LRBA: variants seen among roughly 807,000 people sequenced by gnomAD.
The protein encoded by LRBA is lipopolysaccharide-responsive and beige-like anchor protein.
A neutral mutation model predicts 330.0 loss-of-function variants in LRBA; 176 were observed. That is an observed-to-expected ratio of 0.53 (90% confidence interval 0.47 to 0.60). The LOEUF is 0.60. Among genes scored for constraint, LRBA ranks in the 20% least tolerant of loss-of-function variants. LRBA has a pLI of 0.00. For missense variants in LRBA, 3,259 were observed against 3,444.8 expected, an observed-to-expected ratio of 0.95 and a Z score of 1.35; for synonymous variants, 1,230 against 1,193.0, an observed-to-expected ratio of 1.03 and a Z score of -0.64.
intron 36 of LRBA, among the ~76,000 whole-genome samples, chr4:150,705,175 C>A (rs761688141): frequency 6.6e-6 from 1 of 152,048 alleles, no homozygotes; most frequent in South Asian, 2.1e-4. Flanking sequence ...TCTTAAGAGC[C>A]GGTAACCGTC....
chr4:150,710,030 T>C (rs1786022454), intron 36 of LRBA, among the ~76,000 whole-genome samples: 2 of 152,074 alleles, frequency 1.3e-5, no homozygotes, highest in South Asian at 2.1e-4. Flanking sequence ...GAACAACATA[T>C]ACTAAATTTC....
rs1785743310 is a variant in LRBA, at chr4:150,707,477, A to T, written c.5755-23760T>A. ...AGAAAAACATCAAGAAAGTCAAGCA[A>T]AAAAGGAGTTTAAAAATGGAAGGGT... On this transcript the variant is annotated intron_variant, in intron 36 of 56. Coordinates refer to ENST00000651943, the MANE Select transcript of LRBA (RefSeq NM_001364905.1). Among the ~76,000 whole-genome samples, 5 of 151,850 alleles carry T rather than the reference A, an allele frequency of 3.3e-5. No individual in the cohort carries two copies. In the South Asian group the frequency reaches 1.0e-3, roughly 31 times the overall value.
At chr4:150,543,113 A>G (rs1177543045) in intron 40 of LRBA, among the ~76,000 whole-genome samples, 3 of 152,136 alleles carry the variant, frequency 2.0e-5, no homozygotes, top group Non-Finnish European at 1.5e-5. Context: ...TCTACATGTA[A>G]TTTCATTCAA....
At chr4:150,835,837 T>C (rs1439534876) in intron 28 of LRBA, among the ~76,000 whole-genome samples, 3 of 152,196 alleles carry the variant, frequency 2.0e-5, no homozygotes, top group Non-Finnish European at 4.4e-5. Flanking sequence ...TCCAACACTA[T>C]GTTGAATAAG....
intron 40 of LRBA, among the ~76,000 whole-genome samples, chr4:150,564,103 GC>G (rs1324267913): frequency 1.3e-5 from 2 of 152,080 alleles, no homozygotes; most frequent in Non-Finnish European, 2.9e-5. Context: ...AAAGAACAAA[GC>G]TGGAGGCATC....
rs577392733 is a variant in LRBA at position 150,589,145 on chromosome 4, G to A, written c.6194-961C>T. On this transcript the variant is annotated intron_variant, in intron 39 of 56. Coordinates refer to ENST00000651943, the MANE Select transcript of LRBA (RefSeq NM_001364905.1). The stretch of plus-strand genomic sequence containing the variant: ...TTCCTCATGGTATAAATCCTATAGG[G>A]GAAGAAAACAGCATAAGAGAAGATT... Among the ~76,000 whole-genome samples, 16 of 152,002 alleles carry A rather than the reference G, an allele frequency of 1.1e-4. 1 individual carries two copies. Among genetic ancestry groups the A allele is most frequent in the Middle Eastern group, 6.8e-3 (2 of 294 alleles).
At chr4:150,724,010 T>C (rs932278946) in intron 36 of LRBA, among the ~76,000 whole-genome samples, 1 of 152,140 alleles carries the variant, frequency 6.6e-6, no homozygotes, top group African/African-American at 2.4e-5. Flanking sequence ...GACTTTGTAT[T>C]GTGGTTTGAG....
chr4:150,440,099 T>C (rs1260340327), intron 44 of LRBA, among the ~76,000 whole-genome samples: 1 of 152,140 alleles, frequency 6.6e-6, no homozygotes, highest in Non-Finnish European at 1.5e-5. Flanking sequence ...AGCACCATCA[T>C]CCTACATAGA....
chr4:150,380,648 T>C (rs1742076778), intron 47 of LRBA, among the ~76,000 whole-genome samples: 2 of 152,126 alleles, frequency 1.3e-5, no homozygotes, highest in African/African-American at 4.8e-5. Context: ...TGTCTACTTA[T>C]TATTTTCTCT....
chr4:151,004,116 G>T (rs545609265), intron 2 of LRBA, among the ~76,000 whole-genome samples: 1 of 152,046 alleles, frequency 6.6e-6, no homozygotes, highest in African/African-American at 2.4e-5. Context: ...ACAGGGTTTC[G>T]CCATGCTGCC....
chr4:150,300,241 T>C (rs2126837228), intron 53 of LRBA, among the ~76,000 whole-genome samples: 1 of 152,038 alleles, frequency 6.6e-6, no homozygotes, highest in East Asian at 1.9e-4. Flanking sequence ...CATCAGACAT[T>C]ATACAGGGGC....
chr4:150,365,754 G>T (rs1284089683), intron 47 of LRBA, among the ~76,000 whole-genome samples: 1 of 139,640 alleles, frequency 7.2e-6, no homozygotes, highest in East Asian at 2.1e-4. Context: ...TCCCACCATT[G>T]CACTCCAGCC....
chr4:150,771,868 T>G (rs1241665748), intron 34 of LRBA, among the ~76,000 whole-genome samples: 1 of 152,142 alleles, frequency 6.6e-6, no homozygotes, highest in Non-Finnish European at 1.5e-5. Flanking sequence ...CTGACTAGTA[T>G]CCACAGAACA....
chr4:150,905,651 T>TAC (rs201719628), intron 13 of LRBA, among the ~76,000 whole-genome samples, 187 bp downstream of exon 13: 12 of 151,290 alleles, frequency 7.9e-5, no homozygotes, highest in Admixed American at 1.3e-4. Flanking sequence ...TATATATTCA[T>TAC]ACACACACAC....
At chr4:150,843,050 C>T (rs1475178509) in intron 28 of LRBA, among the ~76,000 whole-genome samples, 2 of 152,134 alleles carry the variant, frequency 1.3e-5, no homozygotes, top group Admixed American at 6.5e-5. Context: ...GAGTCTAATG[C>T]TCCTGCCCAT....
chr4:150,887,790 A>C lies in LRBA; in HGVS notation c.2165+5262T>G, dbSNP rs1482002450. On this transcript the variant is annotated intron_variant, in intron 17 of 56. Transcript: ENST00000651943. ...TCTCAAAAAAAAAAAAAAAAAAGAAAGAAAAAAAAAAGAACCTACAACTTC... is the reference window on the plus strand; with the variant it reads ...TCTCAAAAAAAAAAAAAAAAAAGAACGAAAAAAAAAAGAACCTACAACTTC... Among the ~76,000 whole-genome samples the C allele has an allele frequency of 1.1e-4, 17 of 149,494 alleles. No individual in the cohort carries two copies. The East Asian group carries it at 2.1e-3, about 19-fold the overall frequency.
At chr4:150,867,992 T>C in intron 21 of LRBA, 129 bp from the exon 22 acceptor site, 1 of 915,356 alleles carries the variant, frequency 1.1e-6, no homozygotes. Flanking sequence ...TAGTTATACA[T>C]TAAGAACAAT....
intron 2 of LRBA, among the ~76,000 whole-genome samples, chr4:150,954,476 G>A (rs942943766): frequency 6.6e-5 from 10 of 151,606 alleles, no homozygotes; most frequent in South Asian, 2.1e-4. Flanking sequence ...CCCCAACCCC[G>A]TGCTCTCTGA....
In LRBA at chr4:150,593,651, AATC is replaced by A. The variant is rs201060048; in HGVS notation, c.6047-2795_6047-2793del. Among the ~76,000 whole-genome samples, 867 of 152,300 alleles carry A rather than the reference AATC, an allele frequency of 5.7e-3. 6 individuals are homozygous for A. Among genetic ancestry groups the A allele is most frequent in the African/African-American group, 0.02 (843 of 41,564 alleles). On this transcript the variant is annotated intron_variant, in intron 38 of 56. Coordinates refer to ENST00000651943, the MANE Select transcript of LRBA (RefSeq NM_001364905.1). ...TTTTAAAAGGTTAAATGAGAATAATAATCAAGAACAAAAAATATTCATTTCCAA... is the reference window on the plus strand; with the variant it reads ...TTTTAAAAGGTTAAATGAGAATAATAAAGAACAAAAAATATTCATTTCCAA...
Sources: allele counts gnomAD v4.1 joint callset (sites outside exome capture counted in the v4.1 genomes callset), GRCh38; gene constraint gnomAD v4.1.1; transcripts MANE v1.5; gene names NCBI Gene and HGNC (gene_info 2026-07-23, HGNC 2026-07-21).